Variants in CA10 observed in about 807,000 individuals in gnomAD.
The protein encoded by CA10 is carbonic anhydrase-related protein 10.
In CA10, 14 loss-of-function variants were observed where a neutral mutation model predicts 44.2. The ratio of observed to expected loss-of-function variants is 0.32; its 90% CI spans 0.21 to 0.50. CA10 has a LOEUF of 0.50. Among genes scored for constraint, CA10 ranks in the 20% least tolerant of loss-of-function variants. The pLI, the probability that CA10 is intolerant of heterozygous loss-of-function variation, is 0.99. For missense variants in CA10, 350 were observed against 409.7 expected (o/e 0.85, Z 1.26); for synonymous variants, 159 against 141.6 (o/e 1.12, Z -0.87).
At position 51,918,560 on chromosome 17, in the gene CA10, T is replaced by C. The variant is rs562760285; in HGVS notation, c.279+12430A>G. Among the ~76,000 whole-genome samples, 3 of 152,300 alleles carry C rather than the reference T, an allele frequency of 2.0e-5. No individual in the cohort carries two copies. In the South Asian group the frequency reaches 6.2e-4, roughly 32 times the overall value. On this transcript the variant is annotated intron_variant, in intron 3 of 8. Transcript: ENST00000451037. ...TATGATATTGTATGTAAATGTTTCA[T>C]GTGGGTTAGAGCATGCATGTTTCAG...
chr17:51,992,508 G>T (rs985155599), intron 2 of CA10, among the ~76,000 whole-genome samples: 6 of 152,166 alleles, frequency 3.9e-5, no homozygotes, highest in Middle Eastern at 3.4e-3. Flanking sequence ...TGCTGTAAAG[G>T]CTGGACTGAT....
At chr17:51,820,221 G>C (rs1907718328) in intron 3 of CA10, among the ~76,000 whole-genome samples, 1 of 120,280 alleles carries the variant, frequency 8.3e-6, no homozygotes, top group East Asian at 2.4e-4. Context: ...CTTCAACTGT[G>C]AGTTCTTAGA....
At chr17:51,901,882 A>G (rs1215824154) in intron 3 of CA10, among the ~76,000 whole-genome samples, 2 of 152,164 alleles carry the variant, frequency 1.3e-5, no homozygotes, top group Admixed American at 6.6e-5. Context: ...TAAAGTTAGT[A>G]TAAGATAATG....
At chr17:51,829,848 G>A (rs578060928) in intron 3 of CA10, among the ~76,000 whole-genome samples, 3 of 152,276 alleles carry the variant, frequency 2.0e-5, no homozygotes, top group Admixed American at 2.0e-4. Flanking sequence ...TTCAAACTTT[G>A]TTATGAAGTT....
At chr17:52,141,573 C>A (rs762021129) in intron 1 of CA10, among the ~76,000 whole-genome samples, 3 of 152,182 alleles carry the variant, frequency 2.0e-5, no homozygotes, top group Non-Finnish European at 4.4e-5. Flanking sequence ...GTTGCAACTA[C>A]TCAATGCTGC....
intron 3 of CA10, among the ~76,000 whole-genome samples, chr17:51,820,956 A>T (rs1280140106): frequency 6.6e-6 from 1 of 151,128 alleles, no homozygotes; most frequent in Non-Finnish European, 1.5e-5. Flanking sequence ...CCCAGGTGGA[A>T]CTCCTTAGTA....
intron 2 of CA10, among the ~76,000 whole-genome samples, chr17:52,010,433 C>A (rs1281628484): frequency 1.3e-5 from 2 of 151,846 alleles, no homozygotes; most frequent in African/African-American, 4.8e-5. Context: ...CCATGGAATA[C>A]TACTCAGCCA....
chr17:51,906,790 C>T (rs1015720783), intron 3 of CA10, among the ~76,000 whole-genome samples: 9 of 152,152 alleles, frequency 5.9e-5, no homozygotes, highest in Non-Finnish European at 1.3e-4. Flanking sequence ...GGGCCATTCA[C>T]TCAATGACTA....
chr17:52,056,652 T>C (rs1987237952), intron 2 of CA10, among the ~76,000 whole-genome samples: 1 of 151,910 alleles, frequency 6.6e-6, no homozygotes, highest in Admixed American at 6.6e-5. Context: ...TTGGGAGTTA[T>C]AGTCTTCCTG....
intron 4 of CA10, among the ~76,000 whole-genome samples, chr17:51,669,589 C>T (rs770938671): frequency 2.6e-5 from 4 of 152,240 alleles, no homozygotes; most frequent in East Asian, 3.9e-4. Flanking sequence ...ACACTCACCG[C>T]GAAGGTCTGC....
At chr17:51,997,397 A>G (rs557028534) in intron 2 of CA10, among the ~76,000 whole-genome samples, 2 of 152,214 alleles carry the variant, frequency 1.3e-5, no homozygotes, top group South Asian at 4.1e-4. Flanking sequence ...ATTTTGCATC[A>G]TGCCAGGTGA....
At chr17:51,677,894 C>T (rs563811469) in intron 4 of CA10, among the ~76,000 whole-genome samples, 9 of 144,088 alleles carry the variant, frequency 6.2e-5, no homozygotes, top group African/African-American at 1.7e-4. Context: ...CACCCCCCCC[C>T]CCACCGGCTG....
chr17:51,988,170 A>G (rs1386996120), intron 2 of CA10, among the ~76,000 whole-genome samples: 1 of 152,056 alleles, frequency 6.6e-6, no homozygotes, highest in African/African-American at 2.4e-5. Context: ...GATTAGTTGT[A>G]AATGTATTTT....
chr17:51,785,211 A>G (rs1238454144), intron 3 of CA10, among the ~76,000 whole-genome samples: 3 of 152,174 alleles, frequency 2.0e-5, no homozygotes, highest in African/African-American at 7.2e-5. Flanking sequence ...AATCTTGGCT[A>G]TTGTGAACAG....
intron 2 of CA10, among the ~76,000 whole-genome samples, chr17:52,050,096 A>G (rs1260934438): frequency 6.6e-6 from 1 of 152,028 alleles, no homozygotes; most frequent in African/African-American, 2.4e-5. Context: ...AGTCTAGCAC[A>G]TTTCTCAGAA....
chr17:51,880,958 C>G (rs1321380103), intron 3 of CA10, among the ~76,000 whole-genome samples: 1 of 158 alleles, frequency 6.3e-3, no homozygotes, highest in South Asian at 0.25. Flanking sequence ...TTTTATCGGC[C>G]GGGCGCGGGT....
rs539598473 is a variant in CA10 at position 51,859,305 on chromosome 17, G to T, written c.279+71685C>A. Among the ~76,000 whole-genome samples the T allele has an allele frequency of 7.6e-4, 116 of 152,174 alleles. 1 individual carries two copies. Among genetic ancestry groups the T allele is most frequent in the African/African-American group, 2.7e-3 (112 of 41,518 alleles). On this transcript the variant is annotated intron_variant, in intron 3 of 8. Coordinates refer to ENST00000451037, the MANE Select transcript of CA10 (RefSeq NM_020178.5). ...GTGCCTCCTTCAACAAGGGGTTTCA[G>T]CCCACAGCAAGATTGACACTGCTGC...
At chr17:51,956,102 G>GAT (rs1453694516) in intron 2 of CA10, among the ~76,000 whole-genome samples, 1 of 152,106 alleles carries the variant, frequency 6.6e-6, no homozygotes, top group Admixed American at 6.6e-5. Context: ...CATAAAGAAT[G>GAT]ATATTAAAAA....
At chr17:51,856,450 A>G (rs1215478607) in intron 3 of CA10, among the ~76,000 whole-genome samples, 3 of 152,266 alleles carry the variant, frequency 2.0e-5, no homozygotes, top group South Asian at 2.1e-4. Context: ...AAACAATATA[A>G]AAGGACAGAT....
Sources: allele counts gnomAD v4.1 joint callset (sites outside exome capture counted in the v4.1 genomes callset), GRCh38; gene constraint gnomAD v4.1.1; transcripts MANE v1.5; gene names NCBI Gene and HGNC (gene_info 2026-07-23, HGNC 2026-07-21).